The following FAM98B variants were observed in gnomAD, a reference collection of about 807,000 sequenced individuals.
The protein encoded by FAM98B is tRNA splicing ligase complex subunit 3B.
FAM98B carries 32 observed loss-of-function variants against 43.9 expected under a neutral mutation model. The ratio of observed to expected loss-of-function variants is 0.73; its 90% CI spans 0.55 to 0.98. The LOEUF (loss-of-function observed/expected upper bound fraction) is 0.98. Ranked by LOEUF, FAM98B falls within the 50% of genes least tolerant of loss-of-function variation. FAM98B has a pLI of 0.00. For synonymous variants in FAM98B, 190 were observed against 174.0 expected (o/e 1.09, Z -0.72); for missense variants, 514 against 522.9 (o/e 0.98, Z 0.17).
chr15:38,465,586 C>T (rs2141054704), intron 3 of FAM98B, among the ~76,000 whole-genome samples, 183 bp downstream of exon 3: 1 of 152,276 alleles, frequency 6.6e-6, no homozygotes, highest in East Asian at 1.9e-4. Context: ...AGTATGCCTT[C>T]TAACACTTGT....
intron 3 of FAM98B, among the ~76,000 whole-genome samples, chr15:38,469,996 T>C (rs751091332): frequency 6.6e-6 from 1 of 152,182 alleles, no homozygotes; most frequent in Non-Finnish European, 1.5e-5. Flanking sequence ...TTTATATAGC[T>C]TTAGTTAGTT....
intron 1 of FAM98B, among the ~76,000 whole-genome samples, 172 bp from the exon 2 acceptor site, chr15:38,463,860 C>A (rs1030986601): frequency 6.6e-6 from 1 of 152,156 alleles, no homozygotes; most frequent in African/African-American, 2.4e-5. Context: ...CTTAGCTCTT[C>A]CATTGTAGTG....
intron 1 of FAM98B, among the ~76,000 whole-genome samples, chr15:38,454,877 C>G (rs984232651): frequency 6.6e-6 from 1 of 152,122 alleles, no homozygotes; most frequent in African/African-American, 2.4e-5. Flanking sequence ...AGTCTGCTGC[C>G]GGCTGGTATT....
chr15:38,468,717 AAAAC>A (rs2072913828), intron 3 of FAM98B, among the ~76,000 whole-genome samples: 2 of 152,160 alleles, frequency 1.3e-5, no homozygotes, highest in Non-Finnish European at 2.9e-5. Flanking sequence ...TACTGGGTCT[AAAAC>A]AAACCACACA....
In FAM98B at chr15:38,485,385, G is replaced by A. The variant is rs1414829469; in HGVS notation, c.*726G>A. ...AGACACATACCAACTTTACATGACG[G>A]TGTGAGAAATAGTCCTATAAACTGG... On this transcript the variant is annotated 3_prime_UTR_variant, in exon 8 of 8. Coordinates refer to ENST00000397609, the MANE Select transcript of FAM98B (RefSeq NM_173611.4). 6.6e-6 allele frequency: 1 copy of A among 152,194 alleles called. No individual in the cohort carries two copies. The highest frequency in any genetic ancestry group is 1.5e-5 in the Non-Finnish European group (1 of 68,038). The allele number at this position is 152,194 out of a possible 1,614,324, so 9.4% of individuals were successfully genotyped here.
At chr15:38,471,886 T>G (rs1335665921) in intron 4 of FAM98B, among the ~76,000 whole-genome samples, 3 of 152,150 alleles carry the variant, frequency 2.0e-5, no homozygotes, top group Non-Finnish European at 4.4e-5. Context: ...ATAACTCACT[T>G]AATTCTCACA....
At chr15:38,481,708 C>T (rs572974069) in intron 7 of FAM98B, 1 of 1,158,468 alleles carries the variant, frequency 8.6e-7, no homozygotes, top group Non-Finnish European at 1.2e-6. Context: ...AAAGCTTTAG[C>T]AAGAATTATG....
chr15:38,472,988 G>T (rs955684141), intron 4 of FAM98B, among the ~76,000 whole-genome samples: 2 of 152,096 alleles, frequency 1.3e-5, no homozygotes, highest in Non-Finnish European at 2.9e-5. Context: ...TAAATTAGGG[G>T]CTTTGCAAAA....
At chr15:38,463,970 G>A (rs1889989666) in intron 1 of FAM98B, 62 bp from the exon 2 acceptor site, 14 of 1,477,130 alleles carry the variant, frequency 9.5e-6, no homozygotes, top group Non-Finnish European at 1.3e-5. Flanking sequence ...GACACAGAGT[G>A]TTGGAGGTTT....
At position 38,473,156 on chromosome 15, in the gene FAM98B, C is replaced by T. The variant is rs540238949; in HGVS notation, c.532-349C>T. 7.0e-4 allele frequency among the ~76,000 whole-genome samples: 106 copies of T among 152,138 alleles called. 2 individuals are homozygous for T. In the South Asian group the frequency reaches 0.016, roughly 23 times the overall value. ...GTGCTGGTTAAAGGTTTTAGTATCC[C>T]TTTTGAAAATTTACTAGAAAGTAAG... On this transcript the variant is annotated intron_variant, in intron 4 of 7. Coordinates refer to ENST00000397609, the MANE Select transcript of FAM98B (RefSeq NM_173611.4).
At chr15:38,462,090 G>A (rs1889958502) in intron 1 of FAM98B, among the ~76,000 whole-genome samples, 1 of 152,102 alleles carries the variant, frequency 6.6e-6, no homozygotes, top group Non-Finnish European at 1.5e-5. Flanking sequence ...AAAAATGGTT[G>A]AATACTATGT....
intron 1 of FAM98B, among the ~76,000 whole-genome samples, chr15:38,458,055 C>T (rs940928347): frequency 6.6e-6 from 1 of 151,508 alleles, no homozygotes; most frequent in Non-Finnish European, 1.5e-5. Flanking sequence ...CCTCCTTCCC[C>T]ATAGGTTCGA....
At chr15:38,476,832 G>A (rs1416758252) in intron 6 of FAM98B, among the ~76,000 whole-genome samples, 1 of 151,780 alleles carries the variant, frequency 6.6e-6, no homozygotes, top group Non-Finnish European at 1.5e-5. Context: ...CCATATTTAA[G>A]AGTAAAGCAC....
intron 6 of FAM98B, among the ~76,000 whole-genome samples, chr15:38,474,695 C>G (rs1890172680): frequency 6.6e-6 from 1 of 152,152 alleles, no homozygotes; most frequent in Non-Finnish European, 1.5e-5. Context: ...GAATGTGTTT[C>G]AGTTGAAGAG....
rs573628864 is a variant in FAM98B, at chr15:38,457,805, A to G, written c.71+3573A>G. ...GCAAATCTGAGTGGCCTGTGCCTCA[A>G]GGAAATAGGAGATATTTATAAGATA... On this transcript the variant is annotated intron_variant, in intron 1 of 7. Transcript: ENST00000397609. Among the ~76,000 whole-genome samples the G allele has an allele frequency of 3.3e-5, 5 of 152,304 alleles. No homozygotes were observed. In the South Asian group the frequency reaches 1.0e-3, roughly 32 times the overall value.
At chr15:38,462,386 G>C (rs1393543489) in intron 1 of FAM98B, among the ~76,000 whole-genome samples, 1 of 151,970 alleles carries the variant, frequency 6.6e-6, no homozygotes, top group Non-Finnish European at 1.5e-5. Context: ...CTGCATTAAT[G>C]TTTTACATAA....
At chr15:38,479,873 A>C (rs1160705632) in intron 6 of FAM98B, among the ~76,000 whole-genome samples, 1 of 152,210 alleles carries the variant, frequency 6.6e-6, no homozygotes, top group East Asian at 1.9e-4. Flanking sequence ...ATGTTGTGTC[A>C]CTTTAGCCTC....
chr15:38,457,445 A>G (rs1378966741), intron 1 of FAM98B, among the ~76,000 whole-genome samples: 2 of 152,230 alleles, frequency 1.3e-5, no homozygotes, highest in Non-Finnish European at 2.9e-5. Flanking sequence ...AGAGGAATCA[A>G]TGAATGGAGG....
At chr15:38,477,404 T>C (rs1369508079) in intron 6 of FAM98B, among the ~76,000 whole-genome samples, 1 of 152,062 alleles carries the variant, frequency 6.6e-6, no homozygotes, top group East Asian at 1.9e-4. Flanking sequence ...TTTGAGTGTT[T>C]TGAAATGTTG....
Sources: allele counts gnomAD v4.1 joint callset (sites outside exome capture counted in the v4.1 genomes callset), GRCh38; gene constraint gnomAD v4.1.1; transcripts MANE v1.5; gene names NCBI Gene and HGNC (gene_info 2026-07-23, HGNC 2026-07-21).